The following CACNA2D1 variants were observed in gnomAD, a reference collection of about 807,000 sequenced individuals.
The protein encoded by CACNA2D1 is calcium voltage-gated channel auxiliary subunit alpha2delta 1, also known as voltage-dependent calcium channel subunit alpha-2/delta-1.
Under a neutral mutation model 171.5 loss-of-function variants are expected in CACNA2D1, and 53 were observed. The ratio of observed to expected loss-of-function variants is 0.31; its 90% confidence interval spans 0.25 to 0.39. The LOEUF is 0.39. CACNA2D1 is among the 10% of genes least tolerant of loss of function. The pLI is 1.00. For missense variants in CACNA2D1, 903 were observed against 1,299.8 expected (o/e 0.69, Z 4.69); for synonymous variants, 442 against 443.1 (o/e 1.00, Z 0.03).
intron 3 of CACNA2D1, among the ~76,000 whole-genome samples, chr7:82,215,140 G>A (rs1232895271): frequency 6.6e-6 from 1 of 152,116 alleles, no homozygotes; most frequent in Non-Finnish European, 1.5e-5. Flanking sequence ...AAAAAATGAT[G>A]AAAGAAATGA....
intron 38 of CACNA2D1, among the ~76,000 whole-genome samples, chr7:81,951,150 T>G (rs1413227972): frequency 2.6e-5 from 4 of 152,220 alleles, no homozygotes; most frequent in Middle Eastern, 6.8e-3. Context: ...AGGAAGAGAT[T>G]TGTCTTGAGA....
intron 4 of CACNA2D1, among the ~76,000 whole-genome samples, chr7:82,140,513 G>A (rs749778864): frequency 2.0e-5 from 3 of 152,086 alleles, no homozygotes; most frequent in Admixed American, 6.5e-5. Context: ...TCAGGAGTTG[G>A]AGAAACTAAC....
At chr7:82,276,637 A>G (rs554921706) in intron 3 of CACNA2D1, among the ~76,000 whole-genome samples, 206 of 152,276 alleles carry the variant, frequency 1.4e-3, no homozygotes, top group African/African-American at 4.8e-3. Context: ...TCTGCCATTT[A>G]AGTCAGCTTG....
chr7:82,210,167 T>C (rs1187708782), intron 3 of CACNA2D1, among the ~76,000 whole-genome samples: 11 of 152,152 alleles, frequency 7.2e-5, no homozygotes, highest in Non-Finnish European at 1.5e-5. Context: ...GAATTGAGGG[T>C]AATTAATAAT....
chr7:82,156,895 G>A (rs1233683428), intron 4 of CACNA2D1, among the ~76,000 whole-genome samples: 2 of 151,984 alleles, frequency 1.3e-5, no homozygotes, highest in Admixed American at 6.6e-5. Flanking sequence ...ACATAATTAA[G>A]TAAATTTCCT....
At chr7:82,038,486 G>C (rs1350994219) in intron 10 of CACNA2D1, among the ~76,000 whole-genome samples, 2 of 152,078 alleles carry the variant, frequency 1.3e-5, no homozygotes, top group Non-Finnish European at 2.9e-5. Flanking sequence ...ATAAATTTGA[G>C]AATTAAATTA....
chr7:82,116,867 A>G (rs1314634650), intron 6 of CACNA2D1, among the ~76,000 whole-genome samples, 177 bp downstream of exon 6: 10 of 152,242 alleles, frequency 6.6e-5, no homozygotes, highest in Non-Finnish European at 1.5e-5. Flanking sequence ...GTATACTCAC[A>G]TAAACTGTTC....
chr7:82,165,003 G>T (rs1795293012), intron 4 of CACNA2D1, among the ~76,000 whole-genome samples: 1 of 151,918 alleles, frequency 6.6e-6, no homozygotes, highest in Admixed American at 6.6e-5. Context: ...ATCTACTCCA[G>T]ACTAAACATC....
At chr7:82,136,498 C>T (rs1413816466) in intron 5 of CACNA2D1, 137 bp downstream of exon 5, 59 of 608,868 alleles carry the variant, frequency 9.7e-5, no homozygotes, top group South Asian at 6.4e-5. Context: ...TTCATTATCT[C>T]GTATCTAACT....
intron 1 of CACNA2D1, among the ~76,000 whole-genome samples, chr7:82,394,151 AG>A (rs973035476): frequency 5.9e-5 from 9 of 152,088 alleles, no homozygotes; most frequent in South Asian, 4.1e-4. Context: ...TTGAAAATGG[AG>A]GGGGAGGGGT....
intron 12 of CACNA2D1, among the ~76,000 whole-genome samples, chr7:82,026,225 T>C (rs1352091737): frequency 6.6e-6 from 1 of 151,766 alleles, no homozygotes; most frequent in East Asian, 1.9e-4. Context: ...GTTTTGTTTT[T>C]TATCCATTCA....
At chr7:82,370,838 C>T (rs1822321895) in intron 1 of CACNA2D1, among the ~76,000 whole-genome samples, 1 of 151,920 alleles carries the variant, frequency 6.6e-6, no homozygotes, top group Non-Finnish European at 1.5e-5. Context: ...ACATTAATTG[C>T]ATGAAATACG....
chr7:81,992,647 T>C (rs1247415251), intron 20 of CACNA2D1, among the ~76,000 whole-genome samples: 1 of 152,340 alleles, frequency 6.6e-6, no homozygotes, highest in East Asian at 1.9e-4. Flanking sequence ...ATGTAAGTTT[T>C]TTCAATATCA....
intron 12 of CACNA2D1, among the ~76,000 whole-genome samples, chr7:82,030,750 A>ATATATATATATATATATATAAGTAGTGG: frequency 6.6e-6 from 1 of 151,928 alleles, no homozygotes; most frequent in East Asian, 1.9e-4. Flanking sequence ...AAAATAGTAT[A>ATATATATATATATATATATAAGTAGTGG]CTTAAAATTA....
intron 3 of CACNA2D1, among the ~76,000 whole-genome samples, chr7:82,187,285 C>T (rs1290431020): frequency 1.3e-5 from 2 of 152,122 alleles, no homozygotes; most frequent in African/African-American, 4.8e-5. Context: ...ATTTATTACT[C>T]ATTTGCAGTT....
Position 81,990,719 on chromosome 7 carries a change from T to C in CACNA2D1, c.1796+466A>G, listed in dbSNP as rs28429614. 5.8e-3 allele frequency among the ~76,000 whole-genome samples: 884 copies of C among 152,290 alleles called. 11 individuals are homozygous for C. The highest frequency in any genetic ancestry group is 0.02 in the African/African-American group (851 of 41,558). On this transcript the variant is annotated intron_variant, in intron 21 of 38. Transcript: ENST00000356860. ...CAAGAGATTACTAGGTTTTAGGCTG[T>C]CCAACTTTCCGAAGCCCAGCCAATG...
chr7:82,134,543 T>C (rs530517638), intron 5 of CACNA2D1, among the ~76,000 whole-genome samples: 3 of 152,194 alleles, frequency 2.0e-5, no homozygotes, highest in Non-Finnish European at 4.4e-5. Flanking sequence ...ATGCTGACCA[T>C]CATAGTTTTA....
At chr7:82,360,621 A>G (rs935941214) in intron 1 of CACNA2D1, among the ~76,000 whole-genome samples, 5 of 152,194 alleles carry the variant, frequency 3.3e-5, no homozygotes, top group Non-Finnish European at 7.3e-5. Flanking sequence ...GTGGAGAGAC[A>G]GCCCTGATAT....
intron 3 of CACNA2D1, among the ~76,000 whole-genome samples, chr7:82,182,514 A>G (rs1414352601): frequency 6.6e-6 from 1 of 152,060 alleles, no homozygotes; most frequent in Non-Finnish European, 1.5e-5. Flanking sequence ...ATGTAGTATA[A>G]TAGGGTAAGA....
Sources: gnomAD v4.1 joint callset for allele counts (sites outside exome capture counted in the v4.1 genomes callset) on GRCh38, gnomAD v4.1.1 for gene constraint, MANE v1.5 for transcripts, NCBI Gene and HGNC (gene_info 2026-07-23, HGNC 2026-07-21) for gene names.